ARHGAP15: variants seen among roughly 807,000 people sequenced by gnomAD.
ARHGAP15 encodes Rho GTPase activating protein 15.
ARHGAP15 carries 51 observed loss-of-function variants against 63.7 expected under a neutral mutation model. That is an observed-to-expected ratio of 0.80 (90% CI 0.64 to 1.01). The LOEUF is 1.01. ARHGAP15 is among the 50% of genes least tolerant of loss of function. The probability of loss-of-function intolerance (pLI) is 0.00; values close to 1 mark genes in which losing one functional copy is unlikely to be tolerated. For missense variants in ARHGAP15, 560 were observed against 564.6 expected (o/e 0.99, Z 0.08); for synonymous variants, 191 against 193.8 (o/e 0.99, Z 0.12).
rs180768940 is a variant in ARHGAP15, at chr2:143,317,983, A to G, written c.474+67383A>G. ...AACACCTTCATCACTATTATGGCACATAAAACTACCCATAAAATTTTATCC... is the reference window on the plus strand; with the variant it reads ...AACACCTTCATCACTATTATGGCACGTAAAACTACCCATAAAATTTTATCC... On this transcript the variant is annotated intron_variant, in intron 6 of 13. Coordinates refer to ENST00000295095, the MANE Select transcript of ARHGAP15 (RefSeq NM_018460.4). 7.9e-5 allele frequency among the ~76,000 whole-genome samples: 12 copies of G among 152,144 alleles called. 1 individual carries two copies. Among genetic ancestry groups the G allele is most frequent in the African/African-American group, 2.9e-4 (12 of 41,520 alleles).
At chr2:143,380,146 T>C (rs1216428506) in intron 6 of ARHGAP15, among the ~76,000 whole-genome samples, 2 of 152,158 alleles carry the variant, frequency 1.3e-5, no homozygotes, top group Non-Finnish European at 2.9e-5. Context: ...AGCAGATTAA[T>C]GAGTTCTAAT....
At chr2:143,539,067 G>C (rs1265589202) in intron 10 of ARHGAP15, among the ~76,000 whole-genome samples, 1 of 152,112 alleles carries the variant, frequency 6.6e-6, no homozygotes, top group African/African-American at 2.4e-5. Flanking sequence ...GCCTGTTATT[G>C]GTCTATTCAG....
Position 143,435,582 on chromosome 2 carries a change from C to CTTT in ARHGAP15, c.475-7_475-5dup, listed in dbSNP as rs11438710. 27,200 of 1,341,904 alleles carry CTTT rather than the reference C, an allele frequency of 0.02. 82 individuals are homozygous for CTTT. Among genetic ancestry groups the CTTT allele is most frequent in the Middle Eastern group, 0.03 (124 of 4,152 alleles). The allele number at this position is 1,341,904 out of a possible 1,614,324, so 83.1% of individuals were successfully genotyped here. A position where few individuals can be genotyped will look rare whatever the true frequency, so the allele number is the denominator to read the frequency against. On this transcript the variant is annotated intron_variant, in intron 6 of 13. Coordinates refer to ENST00000295095, the MANE Select transcript of ARHGAP15 (RefSeq NM_018460.4). ...TTTCTTTACCTGTCTATTTCTTTTT[C>CTTT]TTTTTTTTTTTTTTGCAGATCACAA...
chr2:143,703,538 A>T lies in ARHGAP15; in HGVS notation c.1244+14A>T. 2.5e-6 allele frequency: 4 copies of T among 1,573,972 alleles called. No individual in the cohort carries two copies. Among genetic ancestry groups the T allele is most frequent in the Non-Finnish European group, 3.5e-6 (4 of 1,155,142 alleles). ...ACATCTAACTAAGTAAGTTGTAAGG[A>T]TTTCTGGATGTGTCATTTTATAGTC... On this transcript the variant is annotated intron_variant, in intron 13 of 13. Transcript: ENST00000295095.
intron 2 of ARHGAP15, among the ~76,000 whole-genome samples, chr2:143,190,483 CT>C (rs1234175481): frequency 6.6e-6 from 1 of 152,188 alleles, no homozygotes; most frequent in East Asian, 1.9e-4. Flanking sequence ...GACTAAAAGT[CT>C]TGTTGCTAAT....
chr2:143,525,338 A>G (rs1289539322), intron 10 of ARHGAP15, among the ~76,000 whole-genome samples: 8 of 146,516 alleles, frequency 5.5e-5, no homozygotes, highest in Non-Finnish European at 1.2e-4. Context: ...AAACAAACTG[A>G]TAAAAATTAC....
chr2:143,552,649 TATAAG>T (rs1428620457), intron 10 of ARHGAP15, among the ~76,000 whole-genome samples: 1 of 152,132 alleles, frequency 6.6e-6, no homozygotes, highest in African/African-American at 2.4e-5. Context: ...TATTTTGAAA[TATAAG>T]AAGGTCAGCT....
In ARHGAP15 at chr2:143,552,206, A is replaced by C. The variant is rs536978963; in HGVS notation, c.926-4202A>C. 5.3e-5 allele frequency among the ~76,000 whole-genome samples: 8 copies of C among 152,346 alleles called. No homozygotes were observed. In the South Asian group the frequency reaches 1.4e-3, roughly 28 times the overall value. ...CCACATTTGCAGACTGTAGAGGTTC[A>C]GATGCATTTTGTTATGGGTTAGAAA... On this transcript the variant is annotated intron_variant, in intron 10 of 13. Coordinates refer to ENST00000295095, the MANE Select transcript of ARHGAP15 (RefSeq NM_018460.4).
intron 8 of ARHGAP15, among the ~76,000 whole-genome samples, chr2:143,450,023 A>G (rs1690334710): frequency 6.6e-6 from 1 of 150,928 alleles, no homozygotes; most frequent in South Asian, 2.1e-4. Flanking sequence ...TTACTTTAAG[A>G]CAGCTTACAT....
At chr2:143,662,160 A>T (rs1419475632) in intron 12 of ARHGAP15, among the ~76,000 whole-genome samples, 1 of 152,194 alleles carries the variant, frequency 6.6e-6, no homozygotes, top group East Asian at 1.9e-4. Context: ...AGACTTAAAT[A>T]TGCCTGTCTG....
At chr2:143,444,735 G>A (rs924167441) in intron 8 of ARHGAP15, among the ~76,000 whole-genome samples, 4 of 152,058 alleles carry the variant, frequency 2.6e-5, no homozygotes, top group African/African-American at 9.7e-5. Context: ...TGTAAAATAA[G>A]TTTCTTATTA....
intron 8 of ARHGAP15, among the ~76,000 whole-genome samples, chr2:143,442,029 TGAGA>T (rs552058651): frequency 2.0e-5 from 3 of 152,146 alleles, no homozygotes; most frequent in Non-Finnish European, 2.9e-5. Flanking sequence ...AAACTTGAAT[TGAGA>T]GAGTTACACA....
chr2:143,202,630 C>T (rs981448578), intron 3 of ARHGAP15, among the ~76,000 whole-genome samples: 36 of 152,204 alleles, frequency 2.4e-4, no homozygotes, highest in African/African-American at 7.5e-4. Flanking sequence ...AAAAGCAATA[C>T]GCCATCAGCT....
At chr2:143,222,798 G>C (rs1443889426) in intron 4 of ARHGAP15, among the ~76,000 whole-genome samples, 6 of 152,052 alleles carry the variant, frequency 3.9e-5, no homozygotes, top group Non-Finnish European at 8.8e-5. Context: ...TTGCTTTAGG[G>C]AAGTTTTATG....
At chr2:143,163,494 G>C (rs1003042565) in intron 2 of ARHGAP15, among the ~76,000 whole-genome samples, 1 of 151,686 alleles carries the variant, frequency 6.6e-6, no homozygotes, top group Non-Finnish European at 1.5e-5. Context: ...CTATTTTTAT[G>C]TTCCAGGAGA....
At chr2:143,142,034 G>A (rs1396258033) in intron 1 of ARHGAP15, among the ~76,000 whole-genome samples, 2 of 152,170 alleles carry the variant, frequency 1.3e-5, no homozygotes, top group African/African-American at 4.8e-5. Context: ...ACCTGGATCA[G>A]TTTGCCACAT....
intron 12 of ARHGAP15, among the ~76,000 whole-genome samples, chr2:143,663,574 TTAAATG>T (rs1681959249): frequency 1.3e-5 from 2 of 151,444 alleles, no homozygotes; most frequent in Non-Finnish European, 2.9e-5. Flanking sequence ...AATATTAACT[TTAAATG>T]TAAATGGACT....
At chr2:143,546,138 G>A (rs897582513) in intron 10 of ARHGAP15, among the ~76,000 whole-genome samples, 1 of 152,122 alleles carries the variant, frequency 6.6e-6, no homozygotes, top group African/African-American at 2.4e-5. Context: ...GGGGAGGGAC[G>A]TGGTTTGGGA....
intron 6 of ARHGAP15, among the ~76,000 whole-genome samples, chr2:143,313,968 C>A (rs1195753424): frequency 7.7e-6 from 1 of 129,398 alleles, no homozygotes; most frequent in East Asian, 2.3e-4. Context: ...TTTTTTTTTT[C>A]TTGTTTTGTT....
Sources: gnomAD v4.1 joint callset for allele counts (sites outside exome capture counted in the v4.1 genomes callset) on GRCh38, gnomAD v4.1.1 for gene constraint, MANE v1.5 for transcripts, NCBI Gene and HGNC (gene_info 2026-07-23, HGNC 2026-07-21) for gene names.